CSN2: variants seen among roughly 807,000 people sequenced by gnomAD.
CSN2 encodes the protein casein beta, also known as beta-casein.
In CSN2, 27 loss-of-function variants were observed where a neutral mutation model predicts 27.3. That is an observed-to-expected ratio of 0.99 (90% CI 0.73 to 1.36). CSN2 has a LOEUF of 1.36. CSN2 is among the 40% of genes most tolerant of loss of function. The pLI, the probability that CSN2 is intolerant of heterozygous loss-of-function variation, is 0.00. For synonymous variants in CSN2, 131 were observed against 94.8 expected (o/e 1.38, Z -2.22); for missense variants, 333 against 264.5 (o/e 1.26, Z -1.80).
At position 69,961,633 on chromosome 4, in the gene CSN2, A is replaced by G. The variant is rs541829461; in HGVS notation, c.-12-626T>C. ...AAACCCACTGCCAATATCATACTGA[A>G]TGGACAAAAACTGGAAGCATTCCCG... On this transcript the variant is annotated intron_variant, in intron 1 of 7. Transcript: ENST00000353151. 2.6e-5 allele frequency among the ~76,000 whole-genome samples: 4 copies of G among 152,344 alleles called. No homozygotes were observed. The East Asian group carries it at 7.7e-4, about 29-fold the overall frequency.
rs372623101 is a variant in CSN2, at chr4:69,961,023, A to T, written c.-12-16T>A. The T allele has an allele frequency of 1.2e-6, 2 of 1,600,328 alleles. No individual in the cohort carries two copies. The highest frequency in any genetic ancestry group is 2.7e-5 in the African/African-American group (2 of 74,670). ...CTACTAAGTCCTGTGAATGTAGAAA[A>T]AATGGAATGGTGGAAGATTGGTCAA... On this transcript the variant is annotated splice_polypyrimidine_tract_variant and intron_variant, in intron 1 of 7. Coordinates refer to ENST00000353151, the MANE Select transcript of CSN2 (RefSeq NM_001891.4).
At chr4:69,961,328 G>A (rs927412954) in intron 1 of CSN2, among the ~76,000 whole-genome samples, 2 of 152,042 alleles carry the variant, frequency 1.3e-5, no homozygotes, top group Non-Finnish European at 2.9e-5. Flanking sequence ...AAGGCATAAA[G>A]AAGTTATAAA....
chr4:69,963,664 C>G (rs1389284879), intron 1 of CSN2, among the ~76,000 whole-genome samples: 1 of 151,994 alleles, frequency 6.6e-6, no homozygotes, highest in Non-Finnish European at 1.5e-5. Context: ...TGCAGCACAC[C>G]AACATGGCAC....
At chr4:69,963,982 A>G (rs1278608365) in intron 1 of CSN2, among the ~76,000 whole-genome samples, 1 of 146,634 alleles carries the variant, frequency 6.8e-6, no homozygotes, top group East Asian at 1.9e-4. Context: ...CTAAACGGTT[A>G]CCATGACTAT....
rs1241624628 is a variant in CSN2, at chr4:69,957,671, A to G, written c.278T>C (p.Val93Ala). 6.2e-7 allele frequency: 1 copy of G among 1,614,010 alleles called. No homozygotes were observed. Among genetic ancestry groups the G allele is most frequent in the Non-Finnish European group, 8.5e-7 (1 of 1,180,002 alleles). Reference protein sequence around the residue: ...PLAQPAVVLPVPQPEIMEVPK... With the variant: ...PLAQPAVVLPAPQPEIMEVPK... ...GACTTCCATTATTTCAGGCTGAGGG[A>G]CAGGCAGCACCACAGCAGGCTGAGC... is the stretch of plus-strand genomic sequence containing the variant. The change falls in exon 6 of 8, where the codon GTC (valine) becomes GCC (alanine). Residue 93 changes from valine (V) to alanine (A), a missense_variant. Physicochemically the swap from Val to Ala is moderately conservative, Grantham distance 64 (BLOSUM62 0). Coordinates refer to ENST00000353151, the MANE Select transcript of CSN2 (RefSeq NM_001891.4).
At chr4:69,962,564 C>G (rs1723634075) in intron 1 of CSN2, among the ~76,000 whole-genome samples, 1 of 152,144 alleles carries the variant, frequency 6.6e-6, no homozygotes, top group South Asian at 2.1e-4. Context: ...CCCTTCCTTA[C>G]ACCTTATACA....
chr4:69,959,421 C>T (rs1723500970), intron 3 of CSN2, among the ~76,000 whole-genome samples: 1 of 152,058 alleles, frequency 6.6e-6, no homozygotes, highest in Non-Finnish European at 1.5e-5. Context: ...ATGATCACTT[C>T]AAATGAATCA....
At chr4:69,965,236 T>C (rs1261420879) in intron 1 of CSN2, among the ~76,000 whole-genome samples, 8 of 151,410 alleles carry the variant, frequency 5.3e-5, no homozygotes, top group Non-Finnish European at 7.4e-5. Flanking sequence ...CTCAACTCAG[T>C]ATGCTACTGC....
chr4:69,956,806 T>C (rs191051642), intron 6 of CSN2, among the ~76,000 whole-genome samples: 2 of 152,150 alleles, frequency 1.3e-5, no homozygotes, highest in African/African-American at 2.4e-5. Flanking sequence ...CATGCAATAG[T>C]TTTTTTCTCA....
intron 6 of CSN2, 45 bp from the exon 7 acceptor site, chr4:69,956,400 GA>G (rs754034872): frequency 7.6e-7 from 1 of 1,313,254 alleles, no homozygotes; most frequent in African/African-American, 1.5e-5. Context: ...CTCTTAGTAA[GA>G]AAACTTGCCT....
intron 3 of CSN2, 25 bp downstream of exon 3, chr4:69,960,028 A>G: frequency 6.2e-7 from 1 of 1,608,560 alleles, no homozygotes; most frequent in Non-Finnish European, 8.5e-7. Flanking sequence ...TTACTGTTCT[A>G]AAATTGGGTA....
intron 5 of CSN2, among the ~76,000 whole-genome samples, chr4:69,958,217 A>T (rs1723465604): frequency 6.6e-6 from 1 of 152,258 alleles, no homozygotes; most frequent in Middle Eastern, 3.4e-3. Flanking sequence ...TAGAGGGACA[A>T]TTCCAAGGTT....
chr4:69,964,720 A>G (rs1723739113), intron 1 of CSN2, among the ~76,000 whole-genome samples: 1 of 150,444 alleles, frequency 6.6e-6, no homozygotes, highest in Admixed American at 6.6e-5. Flanking sequence ...TCTATATTTT[A>G]TAAGTAATAT....
At chr4:69,959,918 C>G in intron 3 of CSN2, 135 bp downstream of exon 3, 1 of 660,856 alleles carries the variant, frequency 1.5e-6, no homozygotes. Context: ...TGTCCTTAAA[C>G]ACACATAAAA....
At chr4:69,959,174 A>G in intron 3 of CSN2, 105 bp from the exon 4 acceptor site, 1 of 856,472 alleles carries the variant, frequency 1.2e-6, no homozygotes, top group Non-Finnish European at 1.7e-6. Context: ...ATCATTAATA[A>G]CTTTGTATAA....
Position 69,960,941 on chromosome 4 carries a change from A to G in CSN2, c.51+4T>C, listed in dbSNP as rs774517687. The stretch of plus-strand genomic sequence containing the variant: ...TGTTTAGGAATTTTTTCTTGTGCAC[A>G]TACCTCCCTTGCAAGAGCAAGAGCC... On this transcript the variant is annotated splice_donor_region_variant and intron_variant, in intron 2 of 7. Transcript: ENST00000353151. The G allele has an allele frequency of 6.2e-7, 1 of 1,612,600 alleles. No homozygotes were observed. The highest frequency in any genetic ancestry group is 1.1e-5 in the South Asian group (1 of 91,016).
chr4:69,964,610 A>G (rs1723735408), intron 1 of CSN2, among the ~76,000 whole-genome samples: 1 of 151,512 alleles, frequency 6.6e-6, no homozygotes, highest in Non-Finnish European at 1.5e-5. Context: ...TACTTTGCCT[A>G]AGACCACTAT....
Position 69,957,731 on chromosome 4 carries a change from G to A in CSN2, c.218C>T (p.Pro73Leu). The A allele has an allele frequency of 6.2e-7, 1 of 1,613,958 alleles. No individual in the cohort carries two copies. The highest frequency in any genetic ancestry group is 2.2e-5 in the East Asian group (1 of 44,872). ...PLIYPFVEPI[P>L]YGFLPQNILP... ...AATGTTTTGTGGAAGAAAACCATAG[G>A]GGATAGGTTCAACGAATGGATAGAT... is the stretch of plus-strand genomic sequence containing the variant. The change falls in exon 6 of 8, where the codon CCC becomes CTC. Residue 73 changes from proline (P) to leucine (L), a missense_variant. By Grantham distance (98) the Pro-to-Leu change is moderately conservative. Transcript: ENST00000353151.
intron 5 of CSN2, among the ~76,000 whole-genome samples, chr4:69,958,091 G>A (rs1017411493): frequency 6.6e-6 from 1 of 152,136 alleles, no homozygotes; most frequent in Non-Finnish European, 1.5e-5. Flanking sequence ...TGAATTGCCT[G>A]GATAGCTGTA....
Sources: gnomAD v4.1 joint callset for allele counts (sites outside exome capture counted in the v4.1 genomes callset) on GRCh38, gnomAD v4.1.1 for gene constraint, MANE v1.5 for transcripts, NCBI Gene and HGNC (gene_info 2026-07-23, HGNC 2026-07-21) for gene names.